DYSF: variants seen among roughly 807,000 people sequenced by gnomAD.
DYSF encodes dystrophy-associated fer-1-like 1.
Under a neutral mutation model 274.9 loss-of-function variants are expected in DYSF, and 212 were observed. The observed-to-expected ratio is 0.77, with a 90% confidence interval of 0.69 to 0.86. The LOEUF (loss-of-function observed/expected upper bound fraction) is 0.86, where lower values mean the gene tolerates loss of function less well. Ranked by LOEUF, DYSF falls within the 40% of genes least tolerant of loss-of-function variation. The pLI is 0.00. For missense variants in DYSF, 2,666 were observed against 2,783.2 expected (o/e 0.96, Z 0.95); for synonymous variants, 1,091 against 1,078.7 (o/e 1.01, Z -0.22).
At chr2:71,511,992 G>A in intron 5 of DYSF, 71 bp downstream of exon 5, 1 of 1,020,080 alleles carries the variant, frequency 9.8e-7, no homozygotes, top group Non-Finnish European at 1.5e-6. Context: ...CCTGGGGGCT[G>A]GGAGCTGCAG....
chr2:71,510,468 AGTT>A (rs2085977022), intron 4 of DYSF, among the ~76,000 whole-genome samples: 1 of 152,186 alleles, frequency 6.6e-6, no homozygotes, highest in South Asian at 2.1e-4. Flanking sequence ...CAAGGGTCTC[AGTT>A]GCCTTTGTTG....
At chr2:71,571,996 CCAG>C (rs2092504828) in intron 29 of DYSF, among the ~76,000 whole-genome samples, 2 of 148,378 alleles carry the variant, frequency 1.3e-5, no homozygotes, top group Admixed American at 6.7e-5. Context: ...TCCAGCACAC[CCAG>C]CACAGATCAC....
intron 3 of DYSF, among the ~76,000 whole-genome samples, chr2:71,492,237 G>A (rs745568339): frequency 1.3e-4 from 20 of 152,204 alleles, no homozygotes; most frequent in East Asian, 1.9e-4. Context: ...CTGGCCGGAA[G>A]GCTGCCAGAG....
intron 12 of DYSF, among the ~76,000 whole-genome samples, chr2:71,522,132 A>T (rs1023064604): frequency 6.6e-6 from 1 of 151,600 alleles, no homozygotes; most frequent in African/African-American, 2.4e-5. Flanking sequence ...CTTCTCCATG[A>T]TCTGTACCAG....
intron 4 of DYSF, among the ~76,000 whole-genome samples, chr2:71,509,379 T>A (rs1024736019): frequency 6.6e-6 from 1 of 151,504 alleles, no homozygotes; most frequent in African/African-American, 2.4e-5. Context: ...TCCAGGCTGG[T>A]TTTGAACTCT....
intron 40 of DYSF, among the ~76,000 whole-genome samples, chr2:71,619,034 C>T (rs1297634262): frequency 6.6e-6 from 1 of 151,970 alleles, no homozygotes; most frequent in Admixed American, 6.5e-5. Context: ...ATGCCCGAGT[C>T]CCAAAGGGGA....
At chr2:71,591,219 A>G (rs746886770) in intron 32 of DYSF, among the ~76,000 whole-genome samples, 68 of 152,128 alleles carry the variant, frequency 4.5e-4, no homozygotes, top group Non-Finnish European at 8.1e-4. Context: ...CTAACCAGCA[A>G]ACTCCTAGTT....
At chr2:71,682,907 G>A (rs2095313603) in intron 55 of DYSF, among the ~76,000 whole-genome samples, 1 of 152,220 alleles carries the variant, frequency 6.6e-6, no homozygotes, top group Non-Finnish European at 1.5e-5. Context: ...CTGAGTTCTT[G>A]CCCTTCATGG....
rs773170544 is a variant in DYSF at position 71,561,910 on chromosome 2, A to C, written c.2375A>C (p.Asp792Ala). Residue 792 changes from aspartate to alanine, a missense_variant, in exon 23 of 56, where the codon GAC (aspartate) becomes GCC (alanine). This residue lies in a region of DYSF where 412 missense variants were observed against 504.0 expected (regional missense o/e 0.82). Transcript: ENST00000410020. ...ELPAALEQAE[D>A]WLLRLRALAE... ...CCTGCAGCTCTGGAGCAGGCGGAGG[A>C]CTGGCTCCTGCGTCTGCGTGCCCTG... 6.2e-7 allele frequency: 1 copy of C among 1,614,098 alleles called. No individual in the cohort carries two copies. The highest frequency in any genetic ancestry group is 1.7e-4 in the Middle Eastern group (1 of 6,060).
chr2:71,659,722 T>C (rs1041999742), intron 44 of DYSF, among the ~76,000 whole-genome samples: 1 of 152,074 alleles, frequency 6.6e-6, no homozygotes, highest in African/African-American at 2.4e-5. Context: ...TTGCCTGAGA[T>C]GGAGAGGGGA....
intron 41 of DYSF, among the ~76,000 whole-genome samples, chr2:71,622,455 C>T (rs2094128737): frequency 6.6e-6 from 1 of 151,998 alleles, no homozygotes; most frequent in Admixed American, 6.6e-5. Context: ...TTCCTTTTTC[C>T]AAATACCATT....
chr2:71,613,257 G>A (rs1229392319), intron 39 of DYSF, 77 bp from the exon 40 acceptor site: 2 of 1,367,804 alleles, frequency 1.5e-6, no homozygotes, highest in Non-Finnish European at 2.1e-6. Context: ...TGGTCCCTTG[G>A]TTGAGCCCTG....
At chr2:71,636,170 G>A (rs72904605) in intron 41 of DYSF, among the ~76,000 whole-genome samples, 7,587 of 152,192 alleles carry the variant, frequency 0.05, 567 homozygotes, top group African/African-American at 0.17. Flanking sequence ...GATCACAAGC[G>A]ACTTTAGAAG....
At chr2:71,478,976 A>G (rs1573383698) in intron 1 of DYSF, among the ~76,000 whole-genome samples, 2 of 151,866 alleles carry the variant, frequency 1.3e-5, no homozygotes, top group African/African-American at 4.8e-5. Flanking sequence ...GCACCTCTCC[A>G]GGCTGGATGG....
chr2:71,482,286 C>A (rs979493907), intron 3 of DYSF, among the ~76,000 whole-genome samples: 1 of 152,206 alleles, frequency 6.6e-6, no homozygotes, highest in Admixed American at 6.5e-5. Context: ...AGCCCAGAGG[C>A]TCCCTGAGGT....
intron 13 of DYSF, among the ~76,000 whole-genome samples, chr2:71,527,518 G>T (rs1436405495): frequency 6.6e-6 from 1 of 152,132 alleles, no homozygotes; most frequent in African/African-American, 2.4e-5. Flanking sequence ...TTCAAGAGGG[G>T]CATGGGGAAA....
intron 32 of DYSF, among the ~76,000 whole-genome samples, chr2:71,598,351 C>A (rs2093456266): frequency 6.6e-6 from 1 of 152,172 alleles, no homozygotes; most frequent in Admixed American, 6.5e-5. Context: ...TTGCCAGGAC[C>A]CAGGCTCCAT....
At chr2:71,456,787 C>T (rs2081084219) in intron 1 of DYSF, among the ~76,000 whole-genome samples, 1 of 152,164 alleles carries the variant, frequency 6.6e-6, no homozygotes, top group Non-Finnish European at 1.5e-5. Flanking sequence ...ACCCCCAACC[C>T]CTCATCAGTG....
At chr2:71,598,415 G>A (rs1027529645) in intron 32 of DYSF, 149 bp from the exon 33 acceptor site, 9 of 975,042 alleles carry the variant, frequency 9.2e-6, no homozygotes, top group African/African-American at 1.6e-5. Context: ...GAGCCCCATA[G>A]GGAAGATGCA....
Sources: allele counts gnomAD v4.1 joint callset (sites outside exome capture counted in the v4.1 genomes callset), GRCh38; gene constraint gnomAD v4.1.1; regional missense constraint gnomAD v4.1.1; transcripts MANE v1.5; gene names NCBI Gene and HGNC (gene_info 2026-07-23, HGNC 2026-07-21).